The following SGCA variants were observed in gnomAD, a reference collection of about 807,000 sequenced individuals.
SGCA encodes the protein sarcoglycan alpha.
SGCA carries 34 observed loss-of-function variants against 38.1 expected under a neutral mutation model. The observed-to-expected ratio is 0.89, with a 90% CI of 0.68 to 1.19. The LOEUF is 1.19. Among genes scored for constraint, SGCA ranks in the 50% most tolerant of loss-of-function variants. The pLI is 0.00. For missense variants in SGCA, 476 were observed against 524.9 expected (o/e 0.91, Z 0.91); for synonymous variants, 209 against 214.6 (o/e 0.97, Z 0.23).
At position 50,168,487 on chromosome 17, in the gene SGCA, C is replaced by T; in HGVS notation, c.499C>T (p.Pro167Ser). ...FLSALGGLWE[P>S]GELQLLNVTS... ...CTCAGCCTTGGGGGGACTCTGGGAGCCCGGAGAGCTTCAGCTGCTCAACGT... is the reference window on the plus strand; with the variant it reads ...CTCAGCCTTGGGGGGACTCTGGGAGTCCGGAGAGCTTCAGCTGCTCAACGT... Residue 167 changes from proline to serine, a missense_variant, in exon 5 of 10, where the codon CCC (proline) becomes TCC (serine). Physicochemically the swap from Pro to Ser is moderately conservative, Grantham distance 74. Transcript: ENST00000262018. 2 of 1,580,076 alleles carry T rather than the reference C, an allele frequency of 1.3e-6. No homozygotes were observed. Among genetic ancestry groups the T allele is most frequent in the Non-Finnish European group, 1.7e-6 (2 of 1,162,648 alleles).
intron 8 of SGCA, chr17:50,171,623 G>A (rs766368084): frequency 2.8e-5 from 13 of 456,690 alleles, no homozygotes; most frequent in Admixed American, 1.4e-4. Flanking sequence ...TGCCCAGAGC[G>A]CCACCTCTGC....
chr17:50,170,537 C>T, intron 7 of SGCA, 103 bp from the exon 8 acceptor site: 1 of 1,399,490 alleles, frequency 7.1e-7, no homozygotes, highest in East Asian at 2.5e-5. Context: ...ACCAGGAGGG[C>T]ATTGTGGATA....
chr17:50,173,751 G>A (rs1175561568), intron 8 of SGCA, among the ~76,000 whole-genome samples: 1 of 152,110 alleles, frequency 6.6e-6, no homozygotes, highest in African/African-American at 2.4e-5. Context: ...TCAGCTCACT[G>A]AATTCCAGAC....
chr17:50,175,681 C>T (rs1443789657), intron 9 of SGCA, 31 bp from the exon 10 acceptor site: 2 of 668,632 alleles, frequency 3.0e-6, no homozygotes, highest in African/African-American at 1.8e-5. Flanking sequence ...AGCATCTGGC[C>T]CTCTCAGCCC....
intron 6 of SGCA, chr17:50,169,491 C>A: frequency 1.8e-6 from 1 of 556,156 alleles, no homozygotes; most frequent in Non-Finnish European, 3.2e-6. Context: ...ACAGAGTCCG[C>A]AATCCGCATG....
intron 4 of SGCA, 28 bp downstream of exon 4, chr17:50,168,047 C>T: frequency 6.3e-7 from 1 of 1,583,314 alleles, no homozygotes. Flanking sequence ...CCATCCCTTC[C>T]CCACCAATGC....
At position 50,170,238 on chromosome 17, in the gene SGCA, C is replaced by A. The variant is rs149487996; in HGVS notation, c.843C>A (p.Ala281=). 1.3e-4 allele frequency: 216 copies of A among 1,614,172 alleles called. No individual in the cohort carries two copies. The African/African-American group carries it at 2.7e-3, about 20-fold the overall frequency. ...HDPFFCPPTE[A]PDRDFLVDAL... is the part of the protein sequence containing the mutation. ...CGTTCTTCTGCCCACCCACTGAGGC[C>A]CCAGACCGTGACTTCTTGGTGGATG... Residue 281 remains alanine (A), a synonymous_variant, in exon 7 of 10, where the codon GCC becomes GCA. Coordinates refer to ENST00000262018, the MANE Select transcript of SGCA (RefSeq NM_000023.4).
At chr17:50,170,563 C>T (rs1905294022) in intron 7 of SGCA, 77 bp from the exon 8 acceptor site, 3 of 1,470,906 alleles carry the variant, frequency 2.0e-6, no homozygotes, top group East Asian at 4.9e-5. Context: ...ACACAGACCT[C>T]CACTCACATT....
At position 50,170,979 on chromosome 17, in the gene SGCA, G is replaced by A. The variant is rs557298829; in HGVS notation, c.983+313G>A. 8.1e-4 allele frequency among the ~76,000 whole-genome samples: 124 copies of A among 152,320 alleles called. 4 individuals are homozygous for A. The South Asian group carries it at 0.025, about 31-fold the overall frequency. ...CTTGGGAGGCTGAGATAGGAGAATC[G>A]CTTGAGCCTGGGAGATTGAGGCTGC... On this transcript the variant is annotated intron_variant, in intron 8 of 9. Transcript: ENST00000262018.
At chr17:50,170,585 G>T (rs1260886999) in intron 7 of SGCA, 55 bp from the exon 8 acceptor site, 10 of 1,542,052 alleles carry the variant, frequency 6.5e-6, no homozygotes, top group Non-Finnish European at 8.8e-6. Flanking sequence ...GAGCCCTGGG[G>T]CACCTTGGGG....
intron 6 of SGCA, 120 bp from the exon 7 acceptor site, chr17:50,170,023 C>T: frequency 1.2e-6 from 1 of 823,386 alleles, no homozygotes; most frequent in Admixed American, 2.0e-5. Context: ...AACCAGTGCA[C>T]TGTCCCGCCT....
Position 50,168,587 on chromosome 17 carries a change from C to G in SGCA, c.584+15C>G. The G allele has an allele frequency of 6.4e-7, 1 of 1,553,200 alleles. No individual in the cohort carries two copies. The highest frequency in any genetic ancestry group is 8.7e-7 in the Non-Finnish European group (1 of 1,146,828). ...CGAAAAGAAGGGTAGGTGTGCAACCCTAGAGGACTTCCTGAAAGAGGAGGA... is the reference window on the plus strand; with the variant it reads ...CGAAAAGAAGGGTAGGTGTGCAACCGTAGAGGACTTCCTGAAAGAGGAGGA... On this transcript the variant is annotated intron_variant, in intron 5 of 9. Coordinates refer to ENST00000262018, the MANE Select transcript of SGCA (RefSeq NM_000023.4).
At chr17:50,171,213 G>A (rs1386075518) in intron 8 of SGCA, among the ~76,000 whole-genome samples, 8 of 152,208 alleles carry the variant, frequency 5.3e-5, no homozygotes, top group African/African-American at 1.2e-4. Flanking sequence ...CAATTACTCT[G>A]TCACCCTTCT....
intron 6 of SGCA, 44 bp downstream of exon 6, chr17:50,169,298 C>T: frequency 1.3e-6 from 2 of 1,540,450 alleles, no homozygotes; most frequent in Non-Finnish European, 1.8e-6. Flanking sequence ...GGGCATGGCC[C>T]CCATCCCAGT....
rs1273708484 is a variant in SGCA, at chr17:50,167,765, AG to A, written c.312+33del. 3 of 1,600,836 alleles carry A rather than the reference AG, an allele frequency of 1.9e-6. No individual in the cohort carries two copies. The highest frequency in any genetic ancestry group is 8.5e-7 in the Non-Finnish European group (1 of 1,171,734). Reference sequence around the variant, plus strand: ...CCGTCAGGGACCCTGAGAAAATCACAGGGGTGGGCCAGAGTGGCCTCCTAGG... The same window carrying A: ...CCGTCAGGGACCCTGAGAAAATCACAGGGTGGGCCAGAGTGGCCTCCTAGG... On this transcript the variant is annotated intron_variant, in intron 3 of 9. Transcript: ENST00000262018. This position sits in a 1 kb window ranked among gnomAD's most constrained non-coding sequence, Gnocchi z 4.5.
chr17:50,172,152 T>C (rs891809609), intron 8 of SGCA: 1 of 456,744 alleles, frequency 2.2e-6, no homozygotes, highest in Non-Finnish European at 4.4e-6. Flanking sequence ...TGAGGCTTCC[T>C]CTTGAGCTCC....
chr17:50,170,732 A>G (rs1598271527), intron 8 of SGCA, 66 bp downstream of exon 8: 1 of 1,306,882 alleles, frequency 7.7e-7, no homozygotes, highest in Non-Finnish European at 1.1e-6. Context: ...CCCGCCACCA[A>G]ACTATGCCAT....
Position 50,166,030 on chromosome 17 carries a change from G to A in SGCA, c.-11G>A, listed in dbSNP as rs771236695. The A allele has an allele frequency of 1.2e-6, 2 of 1,613,048 alleles. No individual in the cohort carries two copies. The highest frequency in any genetic ancestry group is 1.7e-6 in the Non-Finnish European group (2 of 1,179,198). The stretch of plus-strand genomic sequence containing the variant: ...CTCTGTCACTCACCGGGCGGGCCAG[G>A]CCGGGCAGCCATGGCTGAGACACTC... On this transcript the variant is annotated 5_prime_UTR_variant, in exon 1 of 10. Coordinates refer to ENST00000262018, the MANE Select transcript of SGCA (RefSeq NM_000023.4).
Position 50,166,074 on chromosome 17 carries a change from G to T in SGCA, c.34G>T (p.Val12Leu). 2 of 1,613,438 alleles carry T rather than the reference G, an allele frequency of 1.2e-6. No individual in the cohort carries two copies. Among genetic ancestry groups the T allele is most frequent in the South Asian group, 1.1e-5 (1 of 91,064 alleles). The change falls in exon 1 of 10, where the codon GTG becomes TTG. Residue 12 changes from valine to leucine, a missense_variant. Transcript: ENST00000262018. The stretch of plus-strand genomic sequence containing the variant: ...GACACTCTTCTGGACTCCTCTCCTC[G>T]TGGGCAAGTTGGGGCCTTGTTCAGC... ...AETLFWTPLL[V>L]VLLAGLGDTE...
Sources: allele counts gnomAD v4.1 joint callset (sites outside exome capture counted in the v4.1 genomes callset), GRCh38; gene constraint gnomAD v4.1.1; non-coding constraint Gnocchi (gnomAD v3.1); transcripts MANE v1.5; gene names NCBI Gene and HGNC (gene_info 2026-07-23, HGNC 2026-07-21).